TANC2: variants seen among roughly 807,000 people sequenced by gnomAD.
TANC2 encodes protein TANC2.
In TANC2, 26 loss-of-function variants were observed where a neutral mutation model predicts 210.5. The observed-to-expected ratio is 0.12, with a 90% CI of 0.09 to 0.17. TANC2 has a LOEUF of 0.17. Ranked by LOEUF, TANC2 falls within the 10% of genes least tolerant of loss-of-function variation. TANC2 has a pLI of 1.00. For synonymous variants in TANC2, 931 were observed against 967.1 expected (o/e 0.96, Z 0.69); for missense variants, 2,129 against 2,608.9 (o/e 0.82, Z 4.01).
Position 63,165,967 on chromosome 17 carries a change from G to A in TANC2, c.433+14587G>A, listed in dbSNP as rs191543557. Among the ~76,000 whole-genome samples, 397 of 152,318 alleles carry A rather than the reference G, an allele frequency of 2.6e-3. 4 individuals are homozygous for A. Among genetic ancestry groups the A allele is most frequent in the African/African-American group, 7.3e-3 (302 of 41,570 alleles). On this transcript the variant is annotated intron_variant, in intron 5 of 27. Coordinates refer to ENST00000689528, the Ensembl canonical transcript of TANC2. ...TAGAAATTTCAGTCAAGCACTGAAG[G>A]TTCTTGAGCTGGTCAAATATTGTAT...
At chr17:63,282,471 T>G (rs2044088508) in intron 9 of TANC2, among the ~76,000 whole-genome samples, 1 of 152,074 alleles carries the variant, frequency 6.6e-6, no homozygotes, top group Non-Finnish European at 1.5e-5. Flanking sequence ...CTTTGAGAAA[T>G]TGAACCTGCT....
intron 2 of TANC2, among the ~76,000 whole-genome samples, chr17:63,070,725 A>C (rs1432514093): frequency 1.3e-5 from 2 of 152,222 alleles, no homozygotes; most frequent in Admixed American, 1.3e-4. Context: ...TATGAAATGA[A>C]AATTTTAGTG....
intron 27 of TANC2, among the ~76,000 whole-genome samples, chr17:63,419,458 C>T (rs2048959546): frequency 1.3e-5 from 2 of 152,188 alleles, no homozygotes; most frequent in African/African-American, 4.8e-5. Flanking sequence ...GCCTGCCCCA[C>T]TTTGATAGAG....
At chr17:63,389,220 T>C (rs186143345) in intron 16 of TANC2, 88 bp from the exon 17 acceptor site, 258 of 980,702 alleles carry the variant, frequency 2.6e-4, no homozygotes, top group Non-Finnish European at 3.8e-4. Context: ...TAGACACTGT[T>C]GTAGAATGTT....
intron 2 of TANC2, among the ~76,000 whole-genome samples, chr17:63,034,445 G>A (rs1216546413): frequency 5.9e-5 from 9 of 152,234 alleles, no homozygotes; most frequent in Admixed American, 2.6e-4. Context: ...TCATGCCTGC[G>A]AACACAACAT....
chr17:63,139,319 C>T (rs945373221), intron 4 of TANC2, among the ~76,000 whole-genome samples: 8 of 152,048 alleles, frequency 5.3e-5, no homozygotes, highest in African/African-American at 1.9e-4. Flanking sequence ...AGAATTAAGT[C>T]AAGTTGCTCT....
At chr17:63,032,727 C>T (rs1568332106) in intron 2 of TANC2, among the ~76,000 whole-genome samples, 1 of 152,144 alleles carries the variant, frequency 6.6e-6, no homozygotes, top group Non-Finnish European at 1.5e-5. Context: ...ACAACTTGTT[C>T]TATACTCACA....
chr17:62,969,692 A>AGT (rs143764403), intron 1 of TANC2, among the ~76,000 whole-genome samples: 3,588 of 149,950 alleles, frequency 0.024, 59 homozygotes, highest in South Asian at 0.051. Flanking sequence ...AGTTTAATAT[A>AGT]GTGTGTGTGT....
At position 63,358,990 on chromosome 17, in the gene TANC2, G is replaced by GTGTGTCTGTGTGTGTGTGTGTC. The variant is rs1018802535; in HGVS notation, c.2582+3605_2582+3606insCTGTGTGTGTGTGTGTCTGTGT. 1.1e-3 allele frequency among the ~76,000 whole-genome samples: 172 copies of GTGTGTCTGTGTGTGTGTGTGTC among 151,814 alleles called. 2 individuals carry two copies. The highest frequency in any genetic ancestry group is 3.8e-3 in the African/African-American group (159 of 41,340). ...CAGATTAATATTTGTGTGTGTGTGT[G>GTGTGTCTGTGTGTGTGTGTGTC]TGTGTGTGTGTGTGTGTAAGATTTT... On this transcript the variant is annotated intron_variant, in intron 14 of 27. Transcript: ENST00000689528.
chr17:63,036,903 T>TACAC (rs1333301061), intron 2 of TANC2, among the ~76,000 whole-genome samples: 1 of 151,114 alleles, frequency 6.6e-6, no homozygotes, highest in Non-Finnish European at 1.5e-5. Context: ...CCAGAGGGGA[T>TACAC]ACACACCACA....
chr17:63,139,895 C>A lies in TANC2; in HGVS notation c.323-11375C>A, dbSNP rs80297904. On this transcript the variant is annotated intron_variant, in intron 4 of 27. Coordinates refer to ENST00000689528, the Ensembl canonical transcript of TANC2. ...CTTCAGCCAGGGTGACAGAGCAAGA[C>A]CCTATCTCAAGAAAGAAAGAAATAC... 1.8e-4 allele frequency among the ~76,000 whole-genome samples: 28 copies of A among 152,272 alleles called. No homozygotes were observed. The East Asian group carries it at 5.0e-3, about 27-fold the overall frequency.
At position 63,246,299 on chromosome 17, in the gene TANC2, AT is replaced by A. The variant is rs747238341; in HGVS notation, c.1033+8229del. On this transcript the variant is annotated intron_variant, in intron 8 of 27. Transcript: ENST00000689528. ...AGTCTGTGTGTGGATTTTTAAAAAA[AT>A]TTTTTTAAAAACAAGTATATTGAGT... 9.2e-5 allele frequency among the ~76,000 whole-genome samples: 14 copies of A among 151,754 alleles called. 1 individual carries two copies. In the East Asian group the frequency reaches 2.3e-3, roughly 25 times the overall value.
intron 14 of TANC2, among the ~76,000 whole-genome samples, chr17:63,357,390 A>G (rs894941109): frequency 1.3e-5 from 2 of 152,226 alleles, no homozygotes; most frequent in Non-Finnish European, 2.9e-5. Context: ...CCTTCTCAAC[A>G]TCGCATTTTA....
chr17:63,192,698 A>C (rs1474092965), intron 5 of TANC2, among the ~76,000 whole-genome samples: 1 of 152,216 alleles, frequency 6.6e-6, no homozygotes, highest in Non-Finnish European at 1.5e-5. Flanking sequence ...CTCATCTGTA[A>C]AATGAGGGTA....
intron 1 of TANC2, among the ~76,000 whole-genome samples, chr17:63,002,580 AG>A (rs1197813336): frequency 6.6e-6 from 1 of 152,176 alleles, no homozygotes; most frequent in Non-Finnish European, 1.5e-5. Context: ...ATTTGAAAAA[AG>A]TAATCATCTT....
At chr17:63,154,829 A>T (rs2039779337) in intron 5 of TANC2, 1 of 152,052 alleles carries the variant, frequency 6.6e-6, no homozygotes, top group African/African-American at 2.4e-5. Context: ...ATGGTCTGGA[A>T]CATGTCACTT....
chr17:63,028,542 A>G (rs566856994), intron 2 of TANC2, among the ~76,000 whole-genome samples: 163 of 152,246 alleles, frequency 1.1e-3, no homozygotes, highest in Non-Finnish European at 2.0e-3. Flanking sequence ...CTTGTCTTAC[A>G]AGGTTGGTTG....
intron 14 of TANC2, among the ~76,000 whole-genome samples, chr17:63,368,006 T>C (rs2047159845): frequency 6.6e-6 from 1 of 152,184 alleles, no homozygotes; most frequent in Non-Finnish European, 1.5e-5. Context: ...GGGCTACTTA[T>C]TAAGAGGTTT....
At chr17:63,303,074 T>C (rs567448631) in intron 9 of TANC2, among the ~76,000 whole-genome samples, 1 of 152,236 alleles carries the variant, frequency 6.6e-6, no homozygotes, top group Non-Finnish European at 1.5e-5. Context: ...CTGTGTCTTT[T>C]AATTGGGGCA....
Sources: allele counts gnomAD v4.1 joint callset (sites outside exome capture counted in the v4.1 genomes callset), GRCh38; gene constraint gnomAD v4.1.1; transcripts MANE v1.5; gene names NCBI Gene and HGNC (gene_info 2026-07-23, HGNC 2026-07-21).